FGD4: variants seen among roughly 807,000 people sequenced by gnomAD.
FGD4 encodes FYVE, RhoGEF and PH domain containing 4, also known as FYVE, RhoGEF and PH domain-containing protein 4.
Under a neutral mutation model 102.0 loss-of-function variants are expected in FGD4, and 42 were observed. The observed-to-expected ratio is 0.41, with a 90% CI of 0.32 to 0.53. The LOEUF (loss-of-function observed/expected upper bound fraction) is 0.53, where lower values mean the gene tolerates loss of function less well. FGD4 is among the 20% of genes least tolerant of loss of function. The pLI is 0.21. For missense variants in FGD4, 902 were observed against 1,078.2 expected (o/e 0.84, Z 2.29); for synonymous variants, 380 against 375.7 (o/e 1.01, Z -0.13).
intron 1 of FGD4, among the ~76,000 whole-genome samples, chr12:32,519,672 T>C (rs900749470): frequency 3.3e-5 from 5 of 152,020 alleles, no homozygotes; most frequent in African/African-American, 1.2e-4. Flanking sequence ...GCACGGTGGC[T>C]CACTCTTGTA....
At chr12:32,564,749 C>T (rs1356592493) in intron 2 of FGD4, among the ~76,000 whole-genome samples, 1 of 152,222 alleles carries the variant, frequency 6.6e-6, no homozygotes, top group Non-Finnish European at 1.5e-5. Context: ...ATAGTAAGGT[C>T]TTCCGCAGAA....
At chr12:32,419,021 G>A (rs1448180394) in intron 1 of FGD4, among the ~76,000 whole-genome samples, 1 of 152,100 alleles carries the variant, frequency 6.6e-6, no homozygotes, top group African/African-American at 2.4e-5. Flanking sequence ...GGGGGGTTCT[G>A]CCAGGCCATC....
At chr12:32,511,131 A>G (rs942995241) in intron 1 of FGD4, 26 of 152,212 alleles carry the variant, frequency 1.7e-4, no homozygotes, top group African/African-American at 6.0e-4. Context: ...AGGGATAGTA[A>G]CCAAATTGCT....
At chr12:32,404,885 A>G (rs1393783612) in intron 1 of FGD4, among the ~76,000 whole-genome samples, 1 of 152,166 alleles carries the variant, frequency 6.6e-6, no homozygotes, top group Admixed American at 6.5e-5. Flanking sequence ...GGAACCAGGA[A>G]AAGTTTCTTA....
At chr12:32,521,057 A>T (rs956853850) in intron 1 of FGD4, among the ~76,000 whole-genome samples, 35 of 152,150 alleles carry the variant, frequency 2.3e-4, no homozygotes, top group African/African-American at 8.0e-4. Flanking sequence ...GAGCCATAAT[A>T]ATGAACAGGA....
intron 11 of FGD4, among the ~76,000 whole-genome samples, chr12:32,621,037 T>G (rs1949812734): frequency 6.6e-6 from 1 of 151,964 alleles, no homozygotes; most frequent in Non-Finnish European, 1.5e-5. Flanking sequence ...CATGAACCCC[T>G]GGAATACAGA....
intron 1 of FGD4, among the ~76,000 whole-genome samples, chr12:32,449,065 G>A (rs1345611424): frequency 3.9e-5 from 6 of 152,110 alleles, no homozygotes; most frequent in African/African-American, 1.2e-4. Flanking sequence ...GTAATTACAC[G>A]AGATGTGGTT....
Position 32,569,282 on chromosome 12 carries a change from G to C in FGD4, c.319+4993G>C, listed in dbSNP as rs11831716. On this transcript the variant is annotated intron_variant, in intron 2 of 16. Transcript: ENST00000534526. ...ACATTCTCAACACAGCTCCCAGAGT[G>C]ATCCTGCTGAAAGTTAAGTTATATC... Among the ~76,000 whole-genome samples, 503 of 152,218 alleles carry C rather than the reference G, an allele frequency of 3.3e-3. 4 individuals carry two copies. The highest frequency in any genetic ancestry group is 0.011 in the African/African-American group (475 of 41,528).
chr12:32,460,522 GA>G (rs1943075979), intron 1 of FGD4, among the ~76,000 whole-genome samples: 1 of 151,188 alleles, frequency 6.6e-6, no homozygotes, highest in Non-Finnish European at 1.5e-5. Flanking sequence ...AAAAGAAGAA[GA>G]AAAAGCTATT....
intron 11 of FGD4, among the ~76,000 whole-genome samples, chr12:32,622,755 A>T (rs1190419556): frequency 1.3e-5 from 2 of 152,088 alleles, no homozygotes; most frequent in African/African-American, 4.8e-5. Context: ...TGCCACACCC[A>T]GCTAATTTTT....
intron 1 of FGD4, among the ~76,000 whole-genome samples, chr12:32,408,254 T>C: frequency 6.6e-6 from 1 of 150,958 alleles, no homozygotes. Flanking sequence ...CTGCAATCTC[T>C]GCCTCCCGGG....
intron 8 of FGD4, among the ~76,000 whole-genome samples, chr12:32,609,010 G>A (rs1592392124): frequency 6.6e-6 from 1 of 152,214 alleles, no homozygotes; most frequent in African/African-American, 2.4e-5. Context: ...TCCACCTCCC[G>A]AGTTCAAGCC....
rs1194741205 is a variant in FGD4 at position 32,547,281 on chromosome 12, G to GA, written c.167-16846dup. Among the ~76,000 whole-genome samples the GA allele has an allele frequency of 1.1e-3, 165 of 148,536 alleles. 2 individuals are homozygous for GA. Among genetic ancestry groups the GA allele is most frequent in the African/African-American group, 3.3e-3 (132 of 40,502 alleles). On this transcript the variant is annotated intron_variant, in intron 1 of 16. Coordinates refer to ENST00000534526, the MANE Select transcript of FGD4 (RefSeq NM_001370298.3). ...GATGAGACTCAGTCTCTACAAAAAT[G>GA]AAAAAAAAAATAGCTGAGTGTGGTG...
intron 4 of FGD4, among the ~76,000 whole-genome samples, chr12:32,584,978 T>C (rs920081078): frequency 4.6e-5 from 7 of 151,742 alleles, no homozygotes; most frequent in African/African-American, 1.5e-4. Flanking sequence ...CCCAGCACTT[T>C]GGAAGGCCGA....
intron 4 of FGD4, among the ~76,000 whole-genome samples, chr12:32,593,240 C>G (rs1427594352): frequency 2.0e-5 from 3 of 152,110 alleles, no homozygotes; most frequent in Non-Finnish European, 4.4e-5. Flanking sequence ...ATACAATAAT[C>G]AGTGAATAAG....
At chr12:32,480,156 G>GTTTT (rs1378780662) in intron 1 of FGD4, among the ~76,000 whole-genome samples, 4 of 146,546 alleles carry the variant, frequency 2.7e-5, no homozygotes, top group Non-Finnish European at 6.0e-5. Context: ...GTTTGTGGGG[G>GTTTT]TTTTTTTTGT....
intron 1 of FGD4, among the ~76,000 whole-genome samples, chr12:32,530,941 GTTTTTTTTTT>G (rs768536136): frequency 1.4e-4 from 10 of 70,478 alleles, no homozygotes; most frequent in Admixed American, 7.7e-4. Flanking sequence ...CCTAGCTTTG[GTTTTTTTTTT>G]TTTTTTTTTT....
rs1413949142 is a variant in FGD4, at chr12:32,642,656, C to T, written c.*2123C>T. On this transcript the variant is annotated 3_prime_UTR_variant, in exon 17 of 17. Coordinates refer to ENST00000534526, the MANE Select transcript of FGD4 (RefSeq NM_001370298.3). ...TAAAGATAATGTTTATTATCATGCT[C>T]TTAACAGTCATTATCTTTAATTTTT... The T allele has an allele frequency of 6.6e-6, 1 of 152,016 alleles. No individual in the cohort carries two copies. The highest frequency in any genetic ancestry group is 2.4e-5 in the African/African-American group (1 of 41,428). 9.4% of individuals were successfully genotyped at this position (152,016 alleles called of 1,614,324 possible).
intron 1 of FGD4, among the ~76,000 whole-genome samples, chr12:32,492,595 T>A (rs1944140230): frequency 6.6e-6 from 1 of 152,222 alleles, no homozygotes; most frequent in African/African-American, 2.4e-5. Flanking sequence ...GAAATTGCTA[T>A]AGTTTATTAT....
Sources: gnomAD v4.1 joint callset for allele counts (sites outside exome capture counted in the v4.1 genomes callset) on GRCh38, gnomAD v4.1.1 for gene constraint, MANE v1.5 for transcripts, NCBI Gene and HGNC (gene_info 2026-07-23, HGNC 2026-07-21) for gene names.